The following ADAMTS12 variants were observed in gnomAD, a reference collection of about 807,000 sequenced individuals.
ADAMTS12 encodes the protein A disintegrin and metalloproteinase with thrombospondin motifs 12.
ADAMTS12 carries 118 observed loss-of-function variants against 167.8 expected under a neutral mutation model. That is an observed-to-expected ratio of 0.70 (90% CI 0.61 to 0.82). The LOEUF (loss-of-function observed/expected upper bound fraction) is 0.82. Among genes scored for constraint, ADAMTS12 ranks in the 40% least tolerant of loss-of-function variants. ADAMTS12 has a pLI of 0.00. For missense variants in ADAMTS12, 1,916 were observed against 1,998.8 expected (o/e 0.96, Z 0.79); for synonymous variants, 704 against 716.9 (o/e 0.98, Z 0.29).
intron 16 of ADAMTS12, among the ~76,000 whole-genome samples, chr5:33,605,490 T>TG (rs147024664): frequency 0.58 from 87,666 of 151,488 alleles, 25,590 homozygotes; most frequent in East Asian, 0.82. Flanking sequence ...CTGGAAAACT[T>TG]AGGAAAATAT....
chr5:33,528,001 A>G (rs1440670362), intron 23 of ADAMTS12, among the ~76,000 whole-genome samples: 2 of 152,094 alleles, frequency 1.3e-5, no homozygotes, highest in East Asian at 1.9e-4. Flanking sequence ...TTGCAAAGAT[A>G]TGGAACCAAC....
At chr5:33,724,365 C>T (rs892251087) in intron 3 of ADAMTS12, among the ~76,000 whole-genome samples, 6 of 148,434 alleles carry the variant, frequency 4.0e-5, no homozygotes, top group Non-Finnish European at 8.9e-5. Context: ...TGAAAACTAA[C>T]ATAACTCCCT....
chr5:33,885,328 A>C (rs77942290), intron 1 of ADAMTS12, among the ~76,000 whole-genome samples: 2,648 of 152,276 alleles, frequency 0.017, 71 homozygotes, highest in African/African-American at 0.061. Flanking sequence ...AATGGGTAAG[A>C]GTACATATTT....
At chr5:33,829,482 C>T (rs192318819) in intron 2 of ADAMTS12, among the ~76,000 whole-genome samples, 3 of 152,294 alleles carry the variant, frequency 2.0e-5, no homozygotes, top group East Asian at 3.9e-4. Context: ...TCCCTCCCCA[C>T]CTTTCCAAAG....
intron 3 of ADAMTS12, among the ~76,000 whole-genome samples, chr5:33,700,824 GTATCTTATGAC>G (rs1325054996): frequency 6.6e-5 from 10 of 152,036 alleles, no homozygotes; most frequent in African/African-American, 2.4e-4. Context: ...TCTTTGTATT[GTATCTTATGAC>G]TGTATGTGAA....
At chr5:33,767,951 A>T (rs1430602586) in intron 2 of ADAMTS12, among the ~76,000 whole-genome samples, 1 of 152,264 alleles carries the variant, frequency 6.6e-6, no homozygotes, top group Non-Finnish European at 1.5e-5. Flanking sequence ...TGCATGAAAT[A>T]AACTCACTAA....
intron 3 of ADAMTS12, among the ~76,000 whole-genome samples, chr5:33,720,284 T>TCACACACACA (rs3071626): frequency 0.18 from 26,449 of 147,704 alleles, 2,646 homozygotes; most frequent in Non-Finnish European, 0.23. Flanking sequence ...TCTCTCTCAC[T>TCACACACACA]CACACACACA....
chr5:33,703,462 T>C (rs776681998), intron 3 of ADAMTS12, among the ~76,000 whole-genome samples: 2 of 152,204 alleles, frequency 1.3e-5, no homozygotes, highest in African/African-American at 2.4e-5. Context: ...TAATAGAGTA[T>C]TGTTAATCAT....
intron 12 of ADAMTS12, among the ~76,000 whole-genome samples, chr5:33,634,313 G>A (rs1050923485): frequency 6.6e-6 from 1 of 152,096 alleles, no homozygotes; most frequent in Admixed American, 6.6e-5. Context: ...TTGGTTGAAT[G>A]CTATTGTCTC....
intron 2 of ADAMTS12, among the ~76,000 whole-genome samples, chr5:33,835,789 G>C (rs1328675261): frequency 3.3e-5 from 5 of 152,090 alleles, no homozygotes; most frequent in African/African-American, 1.2e-4. Context: ...TTTTAGAGTT[G>C]AGATAACTGA....
chr5:33,627,441 T>A (rs939139320), intron 13 of ADAMTS12, among the ~76,000 whole-genome samples: 2 of 147,692 alleles, frequency 1.4e-5, no homozygotes, highest in African/African-American at 5.0e-5. Context: ...GTGGTGGATA[T>A]GGTGGTGGTG....
intron 2 of ADAMTS12, among the ~76,000 whole-genome samples, chr5:33,806,355 C>A (rs1417097031): frequency 1.3e-5 from 2 of 152,186 alleles, no homozygotes; most frequent in African/African-American, 4.8e-5. Context: ...GAAGCACAGC[C>A]TCGAGGTTGG....
intron 7 of ADAMTS12, among the ~76,000 whole-genome samples, chr5:33,656,779 T>A (rs1170348615): frequency 2.0e-5 from 3 of 152,182 alleles, no homozygotes; most frequent in African/African-American, 7.2e-5. Context: ...GGGACTCCTG[T>A]CTGTTTGTGC....
intron 3 of ADAMTS12, among the ~76,000 whole-genome samples, chr5:33,726,730 A>G (rs1743994728): frequency 1.3e-5 from 2 of 151,584 alleles, no homozygotes; most frequent in African/African-American, 2.4e-5. Context: ...TTGAGTTAAC[A>G]TATTAGATTG....
At chr5:33,558,523 G>A (rs1745586833) in intron 20 of ADAMTS12, among the ~76,000 whole-genome samples, 1 of 151,756 alleles carries the variant, frequency 6.6e-6, no homozygotes, top group Non-Finnish European at 1.5e-5. Flanking sequence ...AGAGAGAGAG[G>A]GGCATGAGAG....
Position 33,525,150 on chromosome 5 carries a change from C to T in ADAMTS12, c.*2038G>A, listed in dbSNP as rs1431419847. 3 of 152,212 alleles carry T rather than the reference C, an allele frequency of 2.0e-5. No homozygotes were observed. The highest frequency in any genetic ancestry group is 4.4e-5 in the Non-Finnish European group (3 of 68,034). 9.4% of individuals were successfully genotyped at this position (152,212 alleles called of 1,614,324 possible). On this transcript the variant is annotated 3_prime_UTR_variant, in exon 24 of 24. Transcript: ENST00000504830. ...ACACTTCAGGGACAGTCTTTGCAAA[C>T]TGCCTCATTAGTAAATATCAGATTC...
chr5:33,630,692 G>C, intron 13 of ADAMTS12, 88 bp downstream of exon 13: 1 of 1,438,136 alleles, frequency 7.0e-7, no homozygotes. Flanking sequence ...TAAATGCTGT[G>C]AAAGCACAAA....
At chr5:33,684,112 A>G (rs191748901) in intron 3 of ADAMTS12, 57 bp from the exon 4 acceptor site, 2 of 1,235,868 alleles carry the variant, frequency 1.6e-6, no homozygotes, top group East Asian at 2.8e-5. Flanking sequence ...TATATTATCT[A>G]CTTATGTTAG....
intron 21 of ADAMTS12, among the ~76,000 whole-genome samples, chr5:33,546,900 G>C (rs1430479739): frequency 6.6e-6 from 1 of 152,108 alleles, no homozygotes; most frequent in African/African-American, 2.4e-5. Flanking sequence ...TTTTAGCATG[G>C]TTACAACGAT....
Sources: gnomAD v4.1 joint callset for allele counts (sites outside exome capture counted in the v4.1 genomes callset) on GRCh38, gnomAD v4.1.1 for gene constraint, MANE v1.5 for transcripts, NCBI Gene and HGNC (gene_info 2026-07-23, HGNC 2026-07-21) for gene names.